Variants in ELP4 observed in about 807,000 individuals in gnomAD.
ELP4 encodes the protein elongator acetyltransferase complex subunit 4.
Under a neutral mutation model 48.9 loss-of-function variants are expected in ELP4, and 51 were observed. The ratio of observed to expected loss-of-function variants is 1.04; its 90% CI spans 0.83 to 1.32. The LOEUF is 1.32. Ranked by LOEUF, ELP4 falls within the 40% of genes most tolerant of loss-of-function variation. The pLI is 0.00. For synonymous variants in ELP4, 210 were observed against 189.2 expected (o/e 1.11, Z -0.90); for missense variants, 519 against 514.6 (o/e 1.01, Z -0.08).
intron 5 of ELP4, among the ~76,000 whole-genome samples, chr11:31,622,771 G>C (rs1944650415): frequency 6.6e-6 from 1 of 151,296 alleles, no homozygotes; most frequent in Non-Finnish European, 1.5e-5. Context: ...TCAGAAAACA[G>C]GTTTACATTT....
chr11:31,703,952 GCA>G (rs544620356), intron 9 of ELP4, among the ~76,000 whole-genome samples: 12 of 152,170 alleles, frequency 7.9e-5, no homozygotes, highest in African/African-American at 2.6e-4. Context: ...AATGTTATAT[GCA>G]CTCACATATT....
At chr11:31,550,951 TG>T (rs1956840058) in intron 3 of ELP4, among the ~76,000 whole-genome samples, 1 of 152,178 alleles carries the variant, frequency 6.6e-6, no homozygotes. Flanking sequence ...GCCATTGCTT[TG>T]ATTGTGCTTT....
At chr11:31,685,878 CCGAGATCACGCCA>C (rs1165718618) in intron 9 of ELP4, among the ~76,000 whole-genome samples, 1 of 151,336 alleles carries the variant, frequency 6.6e-6, no homozygotes, top group Non-Finnish European at 1.5e-5. Context: ...TTACAGTGAT[CCGAGATCACGCCA>C]CTGCACTCCA....
chr11:31,711,701 T>G (rs1946746704), intron 9 of ELP4, among the ~76,000 whole-genome samples: 1 of 152,126 alleles, frequency 6.6e-6, no homozygotes, highest in Non-Finnish European at 1.5e-5. Flanking sequence ...TCAAATATTT[T>G]GACCAAACTA....
In ELP4 at chr11:31,515,567, A is replaced by C. The variant is rs1168958810; in HGVS notation, c.224-4489A>C. Reference sequence around the variant, plus strand: ...ATAATCCCAACTATTTCAGAGGCTGAGATGGGAGGACCCTTGAGCCTGGGA... The same window carrying C: ...ATAATCCCAACTATTTCAGAGGCTGCGATGGGAGGACCCTTGAGCCTGGGA... On this transcript the variant is annotated intron_variant, in intron 1 of 9. Transcript: ENST00000640961. 7.2e-5 allele frequency among the ~76,000 whole-genome samples: 11 copies of C among 152,278 alleles called. 1 individual carries two copies. In the South Asian group the frequency reaches 2.3e-3, roughly 32 times the overall value.
In ELP4 at chr11:31,783,462, G is replaced by A. The variant is rs761796258; in HGVS notation, c.1213G>A (p.Ala405Thr). The A allele has an allele frequency of 1.7e-5, 27 of 1,613,916 alleles. No homozygotes were observed. The highest frequency in any genetic ancestry group is 4.0e-5 in the African/African-American group (3 of 74,916). ...AAGCAAAATGGATCTGGCAGAATCC[G>A]CCAAGCGGCTGGGCCCAGGCTGTGG... ...RSSKMDLAESAKRLGPGCGMM... is the reference protein window; with the variant it reads ...RSSKMDLAESTKRLGPGCGMM... Residue 405 changes from alanine to threonine, a missense_variant, in exon 10 of 10, where the codon GCC becomes ACC. Coordinates refer to ENST00000640961, the MANE Select transcript of ELP4 (RefSeq NM_019040.5).
At chr11:31,717,231 T>A (rs1444176836) in intron 9 of ELP4, among the ~76,000 whole-genome samples, 1 of 152,222 alleles carries the variant, frequency 6.6e-6, no homozygotes, top group African/African-American at 2.4e-5. Flanking sequence ...TACATGTTTA[T>A]TTTTACTAGC....
At chr11:31,582,475 AATT>A (rs1164782835) in intron 3 of ELP4, among the ~76,000 whole-genome samples, 2 of 151,966 alleles carry the variant, frequency 1.3e-5, no homozygotes, top group East Asian at 1.9e-4. Flanking sequence ...CTTTTTACCA[AATT>A]ATTATTCTCT....
chr11:31,786,052 G>A lies in ELP4; in HGVS notation c.*2528G>A, dbSNP rs187714007. 3.9e-5 allele frequency: 8 copies of A among 204,438 alleles called. No individual in the cohort carries two copies. The highest frequency in any genetic ancestry group is 3.7e-4 in the East Asian group (5 of 13,374). The allele number at this position is 204,438 out of a possible 1,614,324, so 12.7% of individuals were successfully genotyped here. ...ACTACTGCAGTTTGCTCAGGTGCTC[G>A]GGTTCTAAGACTTTTTGAATTTCCT... On this transcript the variant is annotated 3_prime_UTR_variant, in exon 10 of 10. Coordinates refer to ENST00000640961, the MANE Select transcript of ELP4 (RefSeq NM_019040.5).
intron 9 of ELP4, among the ~76,000 whole-genome samples, chr11:31,679,979 C>T (rs1043828181): frequency 6.6e-6 from 1 of 152,116 alleles, no homozygotes; most frequent in African/African-American, 2.4e-5. Context: ...TTGTCTTTTA[C>T]AGTTTAGATT....
intron 9 of ELP4, among the ~76,000 whole-genome samples, chr11:31,700,570 C>T (rs1365282015): frequency 6.6e-6 from 1 of 151,940 alleles, no homozygotes; most frequent in African/African-American, 2.4e-5. Context: ...CAAATAAGTA[C>T]GTTTTCCCAG....
At chr11:31,589,512 A>G (rs1957534768) in intron 3 of ELP4, among the ~76,000 whole-genome samples, 1 of 152,238 alleles carries the variant, frequency 6.6e-6, no homozygotes, top group Non-Finnish European at 1.5e-5. Context: ...TCATATATGC[A>G]TTTGAAGAAT....
At chr11:31,652,698 A>G (rs1268375541) in intron 9 of ELP4, 1 of 151,784 alleles carries the variant, frequency 6.6e-6, no homozygotes, top group African/African-American at 2.4e-5. Context: ...TTCAGAAGTA[A>G]AAGAGTTGAA....
intron 9 of ELP4, among the ~76,000 whole-genome samples, chr11:31,660,125 A>G (rs1945524126): frequency 1.3e-5 from 2 of 152,316 alleles, no homozygotes; most frequent in East Asian, 1.9e-4. Flanking sequence ...ATATGAATGA[A>G]AAAAGCTTAT....
intron 9 of ELP4, among the ~76,000 whole-genome samples, chr11:31,732,579 T>A (rs184591608): frequency 2.6e-5 from 4 of 151,916 alleles, no homozygotes; most frequent in Admixed American, 2.6e-4. Context: ...TTACTTTAAA[T>A]GTAAATGGAT....
At chr11:31,647,145 A>G (rs1279959718) in intron 7 of ELP4, 1 of 151,790 alleles carries the variant, frequency 6.6e-6, no homozygotes. Flanking sequence ...TTATTATCCC[A>G]GAGCCAAATG....
At chr11:31,694,114 C>T (rs1197398051) in intron 9 of ELP4, among the ~76,000 whole-genome samples, 1 of 152,130 alleles carries the variant, frequency 6.6e-6, no homozygotes, top group African/African-American at 2.4e-5. Flanking sequence ...CTGTAGGTTG[C>T]CTGTTCACTC....
chr11:31,742,924 C>A (rs573952715), intron 9 of ELP4, among the ~76,000 whole-genome samples: 83 of 152,194 alleles, frequency 5.5e-4, no homozygotes, highest in Admixed American at 5.0e-3. Flanking sequence ...TGTAAATGGG[C>A]TAAATGCTCC....
intron 9 of ELP4, among the ~76,000 whole-genome samples, chr11:31,674,941 TA>T (rs748898986): frequency 1.5e-4 from 22 of 148,774 alleles, no homozygotes; most frequent in East Asian, 1.4e-3. Context: ...AGTACCTAGT[TA>T]AAAAAAAAAG....
Sources: gnomAD v4.1 joint callset for allele counts (sites outside exome capture counted in the v4.1 genomes callset) on GRCh38, gnomAD v4.1.1 for gene constraint, MANE v1.5 for transcripts, NCBI Gene and HGNC (gene_info 2026-07-23, HGNC 2026-07-21) for gene names.